The following FGF2 variants were observed in gnomAD, a reference collection of about 807,000 sequenced individuals.
FGF2 encodes fibroblast growth factor 2, also known as basic fibroblast growth factor bFGF.
A neutral mutation model predicts 15.9 loss-of-function variants in FGF2; 13 were observed. That is an observed-to-expected ratio of 0.82 (90% confidence interval 0.53 to 1.30). FGF2 has a LOEUF of 1.30. FGF2 is among the 50% of genes most tolerant of loss of function. The pLI, the probability that FGF2 is intolerant of heterozygous loss-of-function variation, is 0.00. For synonymous variants in FGF2, 90 were observed against 78.4 expected (o/e 1.15, Z -0.78); for missense variants, 163 against 196.9 (o/e 0.83, Z 1.03).
Position 122,827,043 on chromosome 4 carries a change from G to A in FGF2, c.-132G>A, listed in dbSNP as rs1013302459. On this transcript the variant is annotated 5_prime_UTR_variant, in exon 1 of 3. Coordinates refer to ENST00000644866, the MANE Select transcript of FGF2 (RefSeq NM_001361665.2). The surrounding 1 kb of genome is among the most constrained non-coding windows in gnomAD (Gnocchi z 4.2). The stretch of plus-strand genomic sequence containing the variant: ...CCGCGGGCGCGGCCGCGCGCTGCCG[G>A]GCGGGAGGCTGGGGGGCCGGGGCCG... 6 of 1,144,258 alleles carry A rather than the reference G, an allele frequency of 5.2e-6. No homozygotes were observed. Among genetic ancestry groups the A allele is most frequent in the African/African-American group, 3.3e-5 (2 of 60,868 alleles). 70.9% of individuals were successfully genotyped at this position (1,144,258 alleles called of 1,614,324 possible). A position where few individuals can be genotyped will look rare whatever the true frequency, so the allele number is the denominator to read the frequency against.
chr4:122,885,328 A>G (rs1727034426), intron 2 of FGF2, among the ~76,000 whole-genome samples: 1 of 152,270 alleles, frequency 6.6e-6, no homozygotes, highest in South Asian at 2.1e-4. Flanking sequence ...AGTAGACAGA[A>G]TAGATGAATA....
chr4:122,886,253 G>C (rs377328666), intron 2 of FGF2, among the ~76,000 whole-genome samples: 31 of 152,086 alleles, frequency 2.0e-4, no homozygotes, highest in African/African-American at 7.5e-4. Context: ...AGGGATTTGA[G>C]TGTTTGAGAG....
chr4:122,826,708 C>T (rs1284901905), upstream of FGF2: 3 of 1,255,960 alleles, frequency 2.4e-6, no homozygotes, highest in Admixed American at 8.2e-5. Flanking sequence ...ACTCAGAGGC[C>T]GGCCCCAGAA....
chr4:122,877,731 G>T (rs1256699570), intron 2 of FGF2, among the ~76,000 whole-genome samples: 1 of 152,156 alleles, frequency 6.6e-6, no homozygotes, highest in Non-Finnish European at 1.5e-5. Flanking sequence ...CCACAGAAAG[G>T]ATCTAACAGT....
In FGF2 at chr4:122,866,919, A is replaced by C. The variant is rs1218464745; in HGVS notation, c.179-9402A>C. 3.3e-5 allele frequency among the ~76,000 whole-genome samples: 5 copies of C among 152,338 alleles called. No homozygotes were observed. In the East Asian group the frequency reaches 7.7e-4, roughly 23 times the overall value. On this transcript the variant is annotated intron_variant, in intron 1 of 2. Coordinates refer to ENST00000644866, the MANE Select transcript of FGF2 (RefSeq NM_001361665.2). ...CGTTATTTACGTAGCCAAAAAGTAAAAACAGTCCAAATATCCATCAGCTGC... is the reference window on the plus strand; with the variant it reads ...CGTTATTTACGTAGCCAAAAAGTAACAACAGTCCAAATATCCATCAGCTGC...
intron 1 of FGF2, among the ~76,000 whole-genome samples, chr4:122,867,220 C>A (rs2922982): frequency 0.91 from 138,321 of 152,268 alleles, 63,049 homozygotes; most frequent in East Asian, 0.96. Flanking sequence ...TGATGGTTGC[C>A]CAATGCTGTG....
chr4:122,873,382 T>G (rs1363086191), intron 1 of FGF2, among the ~76,000 whole-genome samples: 2 of 152,278 alleles, frequency 1.3e-5, no homozygotes, highest in African/African-American at 4.8e-5. Flanking sequence ...GTTCTGTTCC[T>G]AGCCTTTGGT....
At chr4:122,877,365 G>A (rs1726877805) in intron 2 of FGF2, among the ~76,000 whole-genome samples, 1 of 152,122 alleles carries the variant, frequency 6.6e-6, no homozygotes, top group South Asian at 2.1e-4. Flanking sequence ...CGCCTGCCTT[G>A]GCCTCCCAAA....
At chr4:122,871,811 A>G (rs1726741750) in intron 1 of FGF2, among the ~76,000 whole-genome samples, 1 of 138,116 alleles carries the variant, frequency 7.2e-6, no homozygotes, top group Non-Finnish European at 1.5e-5. Context: ...AGCAGAAAGC[A>G]ACAACAACAG....
chr4:122,839,434 T>C (rs372320463), intron 1 of FGF2, among the ~76,000 whole-genome samples: 6 of 152,266 alleles, frequency 3.9e-5, no homozygotes, highest in South Asian at 4.1e-4. Context: ...TTGAGTGAGA[T>C]TGTCCATTAA....
At position 122,850,722 on chromosome 4, in the gene FGF2, AGC is replaced by A. The variant is rs1439581108; in HGVS notation, c.178+23373_178+23374del. 5.9e-5 allele frequency among the ~76,000 whole-genome samples: 9 copies of A among 152,312 alleles called. No homozygotes were observed. The South Asian group carries it at 1.7e-3, about 28-fold the overall frequency. On this transcript the variant is annotated intron_variant, in intron 1 of 2. Transcript: ENST00000644866. ...AAGTAGCTAGTTGTATGGGACTCTT[AGC>A]GCTCTCTTCAGAGAGCGGTTCCAAA...
intron 1 of FGF2, among the ~76,000 whole-genome samples, chr4:122,855,350 C>G (rs1386491652): frequency 1.3e-5 from 2 of 152,204 alleles, no homozygotes; most frequent in Non-Finnish European, 2.9e-5. Context: ...TGTTTAATCT[C>G]TTTCTGAGCT....
intron 1 of FGF2, among the ~76,000 whole-genome samples, chr4:122,831,671 C>A (rs1172035704): frequency 6.6e-6 from 1 of 152,110 alleles, no homozygotes; most frequent in African/African-American, 2.4e-5. Flanking sequence ...ATTACCACAC[C>A]TTAGGAGCCT....
intron 2 of FGF2, 75 bp from the exon 3 acceptor site, chr4:122,892,136 T>G: frequency 7.9e-7 from 1 of 1,260,142 alleles, no homozygotes; most frequent in Non-Finnish European, 1.1e-6. Context: ...CATTATACTA[T>G]CATAAATATT....
At chr4:122,885,094 G>T (rs1727030997) in intron 2 of FGF2, among the ~76,000 whole-genome samples, 1 of 152,252 alleles carries the variant, frequency 6.6e-6, no homozygotes, top group East Asian at 1.9e-4. Flanking sequence ...AGGTCATCTG[G>T]TCTATTTTCC....
At chr4:122,860,525 GTTCACTGC>G (rs1489386642) in intron 1 of FGF2, among the ~76,000 whole-genome samples, 1 of 136,684 alleles carries the variant, frequency 7.3e-6, no homozygotes, top group African/African-American at 2.6e-5. Flanking sequence ...CCCAATCATG[GTTCACTGC>G]AACCTCCACC....
chr4:122,827,856 T>A lies in FGF2; in HGVS notation c.178+504T>A, dbSNP rs1725681053. ...TATGGCACACTACTCTCACCCACTC[T>A]GTTTTATATTTTTCCGAATTGACGA... On this transcript the variant is annotated intron_variant, in intron 1 of 2. Coordinates refer to ENST00000644866, the MANE Select transcript of FGF2 (RefSeq NM_001361665.2). The surrounding 1 kb of genome is among the most constrained non-coding windows in gnomAD (Gnocchi z 4.2). Among the ~76,000 whole-genome samples the A allele has an allele frequency of 2.0e-5, 3 of 152,240 alleles. No homozygotes were observed. In the South Asian group the frequency reaches 6.2e-4, roughly 31 times the overall value.
At chr4:122,875,983 CA>C (rs1560753764) in intron 1 of FGF2, among the ~76,000 whole-genome samples, 1 of 152,182 alleles carries the variant, frequency 6.6e-6, no homozygotes, top group African/African-American at 2.4e-5. Flanking sequence ...AAATAGTTAA[CA>C]GGGGCGATTG....
At chr4:122,830,394 C>G (rs1415448033) in intron 1 of FGF2, among the ~76,000 whole-genome samples, 1 of 150,704 alleles carries the variant, frequency 6.6e-6, no homozygotes, top group East Asian at 1.9e-4. Context: ...ACAAATGTTT[C>G]CAATTTTTCA....
Sources: gnomAD v4.1 joint callset for allele counts (sites outside exome capture counted in the v4.1 genomes callset) on GRCh38, gnomAD v4.1.1 for gene constraint, Gnocchi (gnomAD v3.1) non-coding constraint, MANE v1.5 for transcripts, NCBI Gene and HGNC (gene_info 2026-07-23, HGNC 2026-07-21) for gene names.